Variants in DOCK8 observed in about 807,000 individuals in gnomAD.
DOCK8 encodes the protein dedicator of cytokinesis 8, also known as dedicator of cytokinesis protein 8.
Under a neutral mutation model 245.6 loss-of-function variants are expected in DOCK8, and 141 were observed. The observed-to-expected ratio is 0.57, with a 90% CI of 0.50 to 0.66. The LOEUF is 0.66. Among genes scored for constraint, DOCK8 ranks in the 30% least tolerant of loss-of-function variants. The pLI is 0.00. For missense variants in DOCK8, 2,965 were observed against 2,603.4 expected, an observed-to-expected ratio of 1.14 and a Z score of -3.02; for synonymous variants, 1,168 against 970.2, an observed-to-expected ratio of 1.20 and a Z score of -3.79.
intron 22 of DOCK8, among the ~76,000 whole-genome samples, chr9:384,293 A>C (rs980192630): frequency 5.3e-5 from 8 of 152,212 alleles, no homozygotes; most frequent in African/African-American, 1.9e-4. Context: ...AGCTACCACG[A>C]TGAATTCTTA....
intron 7 of DOCK8, 76 bp from the exon 8 acceptor site, chr9:325,595 T>A (rs189255583): frequency 1.7e-6 from 2 of 1,194,596 alleles, no homozygotes; most frequent in East Asian, 2.3e-5. Flanking sequence ...AACCAGTTTA[T>A]CTATCTAGGT....
intron 46 of DOCK8, among the ~76,000 whole-genome samples, chr9:459,264 C>A (rs1278396822): frequency 6.6e-6 from 1 of 152,052 alleles, no homozygotes; most frequent in African/African-American, 2.4e-5. Flanking sequence ...GAAATTATTT[C>A]AATTTTAATC....
intron 36 of DOCK8, among the ~76,000 whole-genome samples, chr9:431,605 T>A (rs1351307150): frequency 6.6e-6 from 1 of 152,038 alleles, no homozygotes; most frequent in Non-Finnish European, 1.5e-5. Context: ...GCCTACCAGG[T>A]TTAAGCAATT....
chr9:240,090 C>G (rs1384137882), intron 1 of DOCK8, among the ~76,000 whole-genome samples: 1 of 152,184 alleles, frequency 6.6e-6, no homozygotes, highest in Non-Finnish European at 1.5e-5. Context: ...ATGTGTGGCT[C>G]CCTTGTTTTC....
intron 7 of DOCK8, among the ~76,000 whole-genome samples, chr9:323,054 T>C (rs1346298073): frequency 1.3e-5 from 2 of 149,324 alleles, no homozygotes; most frequent in Non-Finnish European, 3.0e-5. Context: ...GGTTGCACCA[T>C]TGCACTCCAC....
chr9:250,703 T>C (rs2047624176), intron 1 of DOCK8, among the ~76,000 whole-genome samples: 2 of 152,188 alleles, frequency 1.3e-5, no homozygotes, highest in Admixed American at 1.3e-4. Context: ...GATCAAATAG[T>C]AGAGTTGATA....
intron 32 of DOCK8, among the ~76,000 whole-genome samples, chr9:421,550 A>T (rs1471200218): frequency 6.6e-6 from 1 of 152,166 alleles, no homozygotes; most frequent in Non-Finnish European, 1.5e-5. Flanking sequence ...TCATTCAAGG[A>T]TTCCACCACA....
chr9:215,859 C>T (rs776127368), intron 1 of DOCK8: 1 of 167,804 alleles, frequency 6.0e-6, no homozygotes, highest in African/African-American at 2.4e-5. Context: ...TTTGTCTTGC[C>T]CTGAGAAAGC....
rs760312255 is a variant in DOCK8, at chr9:286,483, A to T, written c.179A>T (p.Glu60Val). 9.3e-6 allele frequency: 15 copies of T among 1,613,900 alleles called. No individual in the cohort carries two copies. Among genetic ancestry groups the T allele is most frequent in the Non-Finnish European group, 1.3e-5 (15 of 1,179,866 alleles). ...CAGCCTCAGTTTTATGACCCTGTGGAGCCAGTGGACTTTGAAGGACTTCTG... is the reference window on the plus strand; with the variant it reads ...CAGCCTCAGTTTTATGACCCTGTGGTGCCAGTGGACTTTGAAGGACTTCTG... ...LQLPQFYDPVEPVDFEGLLMT... is the reference protein window; with the variant it reads ...LQLPQFYDPVVPVDFEGLLMT... Residue 60 changes from glutamate (E) to valine (V), a missense_variant, in exon 3 of 48, where the codon GAG becomes GTG. Glu to Val is a moderately radical substitution (Grantham distance 121). This residue lies in a region of DOCK8 where 2,825 missense variants were observed against 2,453.5 expected (regional missense o/e 1.15). Coordinates refer to ENST00000432829, the MANE Select transcript of DOCK8 (RefSeq NM_203447.4).
At chr9:309,630 C>G (rs548877949) in intron 5 of DOCK8, among the ~76,000 whole-genome samples, 3 of 152,284 alleles carry the variant, frequency 2.0e-5, no homozygotes, top group South Asian at 4.1e-4. Flanking sequence ...TCTTAAAGCA[C>G]ACCGCAGCCA....
chr9:246,684 A>G (rs2131439883), intron 1 of DOCK8, among the ~76,000 whole-genome samples: 1 of 152,258 alleles, frequency 6.6e-6, no homozygotes, highest in Non-Finnish European at 1.5e-5. Context: ...TAAAATGATG[A>G]TATTTTCTTA....
In DOCK8 at chr9:420,480, C is replaced by T; in HGVS notation, c.3920C>T (p.Ala1307Val). The T allele has an allele frequency of 6.2e-7, 1 of 1,614,160 alleles. No individual in the cohort carries two copies. Among genetic ancestry groups the T allele is most frequent in the Non-Finnish European group, 8.5e-7 (1 of 1,180,038 alleles). ...TGCTTCCTCTGGATCATGAAAAATG[C>T]TGATCAGAGCCTCATTAGGAAGTGG... ...MICFLWIMKN[A>V]DQSLIRKWIA... is the part of the protein sequence containing the mutation. The change falls in exon 31 of 48, where the codon GCT (alanine) becomes GTT (valine). Residue 1307 changes from alanine (A) to valine (V), a missense_variant. Ala to Val is a moderately conservative substitution (Grantham distance 64, BLOSUM62 0). Around this residue, in one of 3 missense-constraint regions of DOCK8, gnomAD observed 2,825 missense variants for 2,453.5 expected, o/e 1.15. Transcript: ENST00000432829.
At chr9:407,720 A>C (rs557825072) in intron 28 of DOCK8, among the ~76,000 whole-genome samples, 79 of 152,332 alleles carry the variant, frequency 5.2e-4, no homozygotes, top group African/African-American at 1.8e-3. Flanking sequence ...GATTGGACTG[A>C]AAAAGATAAT....
chr9:323,787 T>C (rs1251619063), intron 7 of DOCK8, among the ~76,000 whole-genome samples: 1 of 152,260 alleles, frequency 6.6e-6, no homozygotes, highest in Non-Finnish European at 1.5e-5. Flanking sequence ...ACTGGCTTCT[T>C]TTACTCATAA....
At chr9:262,874 T>G (rs933081451) in intron 1 of DOCK8, among the ~76,000 whole-genome samples, 6 of 152,028 alleles carry the variant, frequency 3.9e-5, no homozygotes, top group Admixed American at 3.9e-4. Context: ...TCTGATGACC[T>G]TTGTCTTTTA....
chr9:251,828 G>C (rs953240576), intron 1 of DOCK8, among the ~76,000 whole-genome samples: 1 of 152,106 alleles, frequency 6.6e-6, no homozygotes, highest in Admixed American at 6.5e-5. Context: ...CTAGTAGCAG[G>C]CTTTTCCAGG....
chr9:420,625 T>C, intron 31 of DOCK8, 42 bp downstream of exon 31: 1 of 1,610,414 alleles, frequency 6.2e-7, no homozygotes, highest in Non-Finnish European at 8.5e-7. Context: ...CTCTTATCTC[T>C]CAATTGCAAT....
At chr9:433,252 G>C (rs1006864948) in intron 37 of DOCK8, among the ~76,000 whole-genome samples, 3 of 152,176 alleles carry the variant, frequency 2.0e-5, no homozygotes, top group Non-Finnish European at 4.4e-5. Flanking sequence ...CCAATGAAAT[G>C]ACTCTAGTGG....
rs145755735 is a variant in DOCK8, at chr9:286,362, C to A, written c.157-99C>A. Reference sequence around the variant, plus strand: ...TTTTATGCCAGGAGCGAAGTACTTACTAAGTCAAAGGAAAGCAAGGCAAAC... The same window carrying A: ...TTTTATGCCAGGAGCGAAGTACTTAATAAGTCAAAGGAAAGCAAGGCAAAC... On this transcript the variant is annotated intron_variant, in intron 2 of 47. Coordinates refer to ENST00000432829, the MANE Select transcript of DOCK8 (RefSeq NM_203447.4). The A allele has an allele frequency of 1.5e-4, 205 of 1,389,908 alleles. 3 individuals are homozygous for A. The East Asian group carries it at 4.9e-3, about 33-fold the overall frequency. 86.1% of individuals were successfully genotyped at this position (1,389,908 alleles called of 1,614,324 possible).
Sources: allele counts gnomAD v4.1 joint callset (sites outside exome capture counted in the v4.1 genomes callset), GRCh38; gene constraint gnomAD v4.1.1; regional missense constraint gnomAD v4.1.1; transcripts MANE v1.5; gene names NCBI Gene and HGNC (gene_info 2026-07-23, HGNC 2026-07-21).